Variants in NEDD4 observed in about 807,000 individuals in gnomAD.
The protein encoded by NEDD4 is NEDD4 E3 ubiquitin protein ligase.
Under a neutral mutation model 144.9 loss-of-function variants are expected in NEDD4, and 99 were observed. The observed-to-expected ratio is 0.68, with a 90% CI of 0.58 to 0.81. The LOEUF (loss-of-function observed/expected upper bound fraction) is 0.81, where lower values mean the gene tolerates loss of function less well. Ranked by LOEUF, NEDD4 falls within the 30% of genes least tolerant of loss-of-function variation. The pLI, the probability that NEDD4 is intolerant of heterozygous loss-of-function variation, is 0.00. For missense variants in NEDD4, 985 were observed against 1,065.9 expected (o/e 0.92, Z 1.06); for synonymous variants, 318 against 350.6 (o/e 0.91, Z 1.04).
intron 1 of NEDD4, among the ~76,000 whole-genome samples, chr15:55,988,678 T>C (rs2037938647): frequency 6.6e-6 from 1 of 152,130 alleles, no homozygotes; most frequent in Middle Eastern, 3.2e-3. Context: ...GTTGTATCAG[T>C]GTCCATTTCC....
At position 55,844,184 on chromosome 15, in the gene NEDD4, A is replaced by G. The variant is rs558210663; in HGVS notation, c.1609-2021T>C. Among the ~76,000 whole-genome samples, 3 of 152,244 alleles carry G rather than the reference A, an allele frequency of 2.0e-5. No homozygotes were observed. In the South Asian group the frequency reaches 6.2e-4, roughly 32 times the overall value. On this transcript the variant is annotated intron_variant, in intron 18 of 28. Transcript: ENST00000435532. ...AATACCTAGAGGGCACAGAAGGAGA[A>G]GAAGGGAGAGGAAGGGAAAGAAGGC...
At chr15:55,987,799 T>C (rs2037917448) in intron 1 of NEDD4, 1 of 89,472 alleles carries the variant, frequency 1.1e-5, no homozygotes, top group Non-Finnish European at 2.3e-5. Flanking sequence ...GTGGCATTAT[T>C]TCTGAGGGCT....
chr15:55,876,039 A>C (rs1194657647), intron 5 of NEDD4, among the ~76,000 whole-genome samples: 2 of 152,362 alleles, frequency 1.3e-5, no homozygotes, highest in African/African-American at 2.4e-5. Flanking sequence ...CAGGAGAATA[A>C]GAATACAAAT....
At chr15:55,936,912 C>T (rs1221746320) in intron 4 of NEDD4, among the ~76,000 whole-genome samples, 1 of 151,970 alleles carries the variant, frequency 6.6e-6, no homozygotes, top group Admixed American at 6.6e-5. Flanking sequence ...CCTGCCTCAC[C>T]CTCTTGAGTA....
At chr15:55,959,891 C>T (rs1336893929) in intron 2 of NEDD4, among the ~76,000 whole-genome samples, 1 of 152,206 alleles carries the variant, frequency 6.6e-6, no homozygotes, top group Non-Finnish European at 1.5e-5. Flanking sequence ...TTAATGACAG[C>T]TGAAGTGAAT....
chr15:55,948,329 C>T (rs573460316), intron 4 of NEDD4, among the ~76,000 whole-genome samples: 1 of 152,318 alleles, frequency 6.6e-6, no homozygotes, highest in East Asian at 1.9e-4. Context: ...GAAGAACATT[C>T]CATACTCATG....
intron 27 of NEDD4, 50 bp from the exon 28 acceptor site, chr15:55,830,636 A>G (rs766672292): frequency 1.1e-5 from 17 of 1,525,114 alleles, no homozygotes; most frequent in African/African-American, 2.7e-5. Flanking sequence ...AAGGATCTCC[A>G]GGCATATCAA....
intron 15 of NEDD4, 114 bp downstream of exon 15, chr15:55,848,692 G>T (rs2033852230): frequency 7.9e-7 from 1 of 1,266,840 alleles, no homozygotes; most frequent in East Asian, 2.4e-5. Context: ...TTCTTAGAAG[G>T]TATCAACATT....
chr15:55,853,001 T>C (rs911006262), intron 12 of NEDD4, among the ~76,000 whole-genome samples: 9 of 152,106 alleles, frequency 5.9e-5, no homozygotes, highest in Non-Finnish European at 5.9e-5. Context: ...CCACCTGCCT[T>C]GGCCTCCCCA....
At chr15:55,853,212 T>A (rs1317968258) in intron 12 of NEDD4, among the ~76,000 whole-genome samples, 2 of 152,172 alleles carry the variant, frequency 1.3e-5, no homozygotes, top group Non-Finnish European at 2.9e-5. Flanking sequence ...AACCACATTT[T>A]AAATATCTTA....
At chr15:55,894,620 T>C (rs2142133368) in intron 5 of NEDD4, among the ~76,000 whole-genome samples, 1 of 152,342 alleles carries the variant, frequency 6.6e-6, no homozygotes, top group East Asian at 1.9e-4. Flanking sequence ...AGTTTCACTT[T>C]GAGTTATTGT....
chr15:55,966,985 C>T (rs1366775586), intron 1 of NEDD4, among the ~76,000 whole-genome samples: 1 of 152,116 alleles, frequency 6.6e-6, no homozygotes, highest in Admixed American at 6.5e-5. Context: ...CCTCCCGGTT[C>T]AAGCGATTCT....
intron 5 of NEDD4, chr15:55,916,299 C>A (rs375873855): frequency 6.2e-7 from 1 of 1,614,022 alleles, no homozygotes; most frequent in South Asian, 1.1e-5. Flanking sequence ...ATATGAACCT[C>A]CACTTGTGAT....
chr15:55,912,634 T>C (rs1052953270), intron 5 of NEDD4, among the ~76,000 whole-genome samples: 1 of 152,058 alleles, frequency 6.6e-6, no homozygotes, highest in African/African-American at 2.4e-5. Context: ...AAAATAACAG[T>C]AGAGAAAAGT....
At chr15:55,870,533 T>C (rs1164347128) in intron 7 of NEDD4, among the ~76,000 whole-genome samples, 1 of 18,200 alleles carries the variant, frequency 5.5e-5, no homozygotes, top group Non-Finnish European at 2.2e-4. Flanking sequence ...CTTCTTCTTT[T>C]TTTTTTTTTT....
At chr15:55,889,954 C>A (rs1334876063) in intron 5 of NEDD4, among the ~76,000 whole-genome samples, 2 of 152,026 alleles carry the variant, frequency 1.3e-5, no homozygotes, top group African/African-American at 4.8e-5. Flanking sequence ...CTGCCCACAT[C>A]GGCCTCCCAA....
chr15:55,981,593 G>C (rs1429057239), intron 1 of NEDD4, among the ~76,000 whole-genome samples: 1 of 152,172 alleles, frequency 6.6e-6, no homozygotes, highest in East Asian at 1.9e-4. Context: ...GCATGAGTCA[G>C]AATTCTTCAA....
At chr15:55,916,263 C>T (rs2036439157) in intron 5 of NEDD4, 2 of 1,614,050 alleles carry the variant, frequency 1.2e-6, no homozygotes, top group Non-Finnish European at 1.7e-6. Context: ...AGTATAACTA[C>T]TACTGTCACT....
intron 21 of NEDD4, 72 bp from the exon 22 acceptor site, chr15:55,838,676 G>A (rs2033326668): frequency 2.1e-6 from 2 of 969,204 alleles, no homozygotes; most frequent in African/African-American, 3.3e-5. Flanking sequence ...ACAGTATGTA[G>A]AGGGTCTGAA....
Sources: allele counts gnomAD v4.1 joint callset (sites outside exome capture counted in the v4.1 genomes callset), GRCh38; gene constraint gnomAD v4.1.1; transcripts MANE v1.5; gene names NCBI Gene and HGNC (gene_info 2026-07-23, HGNC 2026-07-21).